The following CNTN5 variants were observed in gnomAD, a reference collection of about 807,000 sequenced individuals.
CNTN5 encodes the protein contactin-5.
In CNTN5, 77 loss-of-function variants were observed where a neutral mutation model predicts 129.1. The ratio of observed to expected loss-of-function variants is 0.60; its 90% confidence interval spans 0.50 to 0.72. The LOEUF is 0.72. CNTN5 is among the 30% of genes least tolerant of loss of function. The probability of loss-of-function intolerance (pLI) is 0.00; values close to 1 mark genes in which losing one functional copy is unlikely to be tolerated. For synonymous variants in CNTN5, 509 were observed against 465.6 expected, an observed-to-expected ratio of 1.09 and a Z score of -1.20; for missense variants, 1,478 against 1,328.8, an observed-to-expected ratio of 1.11 and a Z score of -1.75.
chr11:99,593,949 A>C (rs1950052286), intron 3 of CNTN5, among the ~76,000 whole-genome samples: 2 of 152,170 alleles, frequency 1.3e-5, no homozygotes, highest in African/African-American at 4.8e-5. Context: ...CAACAGCGTG[A>C]AGTGTGTCCT....
At chr11:100,254,197 T>G (rs544005) in intron 16 of CNTN5, among the ~76,000 whole-genome samples, 15,412 of 152,234 alleles carry the variant, frequency 0.1, 1,018 homozygotes, top group Middle Eastern at 0.17. Flanking sequence ...TCTAGTACTA[T>G]TCTAGAATAT....
At chr11:99,504,027 A>T (rs189582134) in intron 2 of CNTN5, among the ~76,000 whole-genome samples, 3 of 152,252 alleles carry the variant, frequency 2.0e-5, no homozygotes, top group Admixed American at 1.3e-4. Flanking sequence ...TTGTTCAATG[A>T]GATGCTTGGC....
rs769870676 is a variant in CNTN5, at chr11:99,819,715, A to C, written c.227A>C (p.Tyr76Ser). 1.1e-5 allele frequency: 18 copies of C among 1,611,894 alleles called. No homozygotes were observed. The South Asian group carries it at 2.0e-4, about 18-fold the overall frequency. ...AGCTGGCTAGGGGCAGCTCAGAATT[A>C]TTATTCCCCCATCAATCTTTATCAT... is the stretch of plus-strand genomic sequence containing the variant. ...SPSWLGAAQN[Y>S]YSPINLYHSS... The change falls in exon 4 of 25, where the codon TAT becomes TCT. Residue 76 changes from tyrosine to serine, a missense_variant. Transcript: ENST00000524871.
At chr11:100,123,752 A>G (rs1328449686) in intron 13 of CNTN5, among the ~76,000 whole-genome samples, 2 of 152,028 alleles carry the variant, frequency 1.3e-5, no homozygotes, top group African/African-American at 4.8e-5. Flanking sequence ...CTATAATGCA[A>G]TTAAATGGGT....
intron 1 of CNTN5, among the ~76,000 whole-genome samples, chr11:99,234,190 A>T (rs1276334260): frequency 6.6e-6 from 1 of 152,178 alleles, no homozygotes; most frequent in Non-Finnish European, 1.5e-5. Flanking sequence ...ATTTACAAAT[A>T]AAAATTGCCA....
intron 1 of CNTN5, among the ~76,000 whole-genome samples, chr11:99,243,597 C>T (rs990268586): frequency 9.2e-5 from 14 of 151,938 alleles, no homozygotes; most frequent in Non-Finnish European, 1.5e-4. Context: ...AGTTTTAGGT[C>T]TTACACTTAA....
At chr11:100,005,918 T>TG (rs1223734843) in intron 9 of CNTN5, among the ~76,000 whole-genome samples, 6 of 152,120 alleles carry the variant, frequency 3.9e-5, no homozygotes, top group Non-Finnish European at 7.4e-5. Context: ...CATAAATCAC[T>TG]ATTTTTTATC....
At chr11:99,724,898 A>G (rs1943287873) in intron 3 of CNTN5, among the ~76,000 whole-genome samples, 1 of 152,222 alleles carries the variant, frequency 6.6e-6, no homozygotes, top group Admixed American at 6.5e-5. Flanking sequence ...TAAAGGACTC[A>G]GTAAGGCTAA....
chr11:99,490,254 C>T (rs1215488767), intron 2 of CNTN5, among the ~76,000 whole-genome samples: 1 of 152,010 alleles, frequency 6.6e-6, no homozygotes, highest in Non-Finnish European at 1.5e-5. Flanking sequence ...CAATTTTGAC[C>T]AACTCAAGAA....
At chr11:99,462,767 G>T (rs1462973898) in intron 2 of CNTN5, among the ~76,000 whole-genome samples, 2 of 152,212 alleles carry the variant, frequency 1.3e-5, no homozygotes, top group African/African-American at 4.8e-5. Context: ...AGGACTGCAG[G>T]AGTAGGGGAG....
intron 18 of CNTN5, among the ~76,000 whole-genome samples, chr11:100,281,967 T>C (rs1950649260): frequency 1.3e-5 from 2 of 151,704 alleles, no homozygotes; most frequent in Admixed American, 6.6e-5. Context: ...ATTTGTCTGA[T>C]AGAATTCTGA....
intron 1 of CNTN5, among the ~76,000 whole-genome samples, chr11:99,183,501 C>T (rs1858185996): frequency 6.6e-6 from 1 of 152,042 alleles, no homozygotes; most frequent in South Asian, 2.1e-4. Flanking sequence ...TCATCCACTC[C>T]TCTCCTCTTA....
chr11:99,642,819 G>A (rs1200684571), intron 3 of CNTN5, among the ~76,000 whole-genome samples: 1 of 152,106 alleles, frequency 6.6e-6, no homozygotes, highest in Non-Finnish European at 1.5e-5. Flanking sequence ...CAACTTTCTA[G>A]ATTCCACTTA....
intron 15 of CNTN5, among the ~76,000 whole-genome samples, chr11:100,216,757 A>C (rs1193798102): frequency 6.6e-6 from 1 of 152,196 alleles, no homozygotes; most frequent in Non-Finnish European, 1.5e-5. Context: ...TGGTTCATTG[A>C]AATAATTTCT....
chr11:100,297,803 A>C, intron 19 of CNTN5, 108 bp downstream of exon 19: 1 of 816,646 alleles, frequency 1.2e-6, no homozygotes, highest in Non-Finnish European at 2.0e-6. Flanking sequence ...TTAGAGGCTA[A>C]AAACAGTGGG....
chr11:99,296,756 G>A (rs546810909), intron 1 of CNTN5, among the ~76,000 whole-genome samples: 1 of 152,086 alleles, frequency 6.6e-6, no homozygotes, highest in African/African-American at 2.4e-5. Context: ...AATTAAGCTG[G>A]TTTTTAACCA....
intron 3 of CNTN5, among the ~76,000 whole-genome samples, chr11:99,583,265 G>C (rs1301415432): frequency 6.6e-6 from 1 of 152,206 alleles, no homozygotes; most frequent in Non-Finnish European, 1.5e-5. Flanking sequence ...AGGCTACTTG[G>C]GGGTCAGGGA....
intron 3 of CNTN5, among the ~76,000 whole-genome samples, chr11:99,688,700 A>T (rs1033270696): frequency 6.6e-6 from 1 of 152,212 alleles, no homozygotes; most frequent in Admixed American, 6.5e-5. Context: ...CAGTCATCCC[A>T]TCACCGAGGT....
At chr11:99,935,559 C>T (rs372166180) in intron 7 of CNTN5, among the ~76,000 whole-genome samples, 3 of 150,954 alleles carry the variant, frequency 2.0e-5, no homozygotes, top group East Asian at 2.0e-4. Flanking sequence ...AATAGAGAAC[C>T]GTGTGTGTGT....
Sources: gnomAD v4.1 joint callset for allele counts (sites outside exome capture counted in the v4.1 genomes callset) on GRCh38, gnomAD v4.1.1 for gene constraint, MANE v1.5 for transcripts, NCBI Gene and HGNC (gene_info 2026-07-23, HGNC 2026-07-21) for gene names.